The following B9D1 variants were observed in gnomAD, a reference collection of about 807,000 sequenced individuals.
B9D1 encodes B9 domain containing 1, also known as B9 domain-containing protein 1.
A neutral mutation model predicts 26.1 loss-of-function variants in B9D1; 20 were observed. That is an observed-to-expected ratio of 0.77 (90% CI 0.54 to 1.12). The LOEUF (loss-of-function observed/expected upper bound fraction) is 1.12, where lower values mean the gene tolerates loss of function less well. B9D1 is among the 50% of genes most tolerant of loss of function. The pLI, the probability that B9D1 is intolerant of heterozygous loss-of-function variation, is 0.00. For synonymous variants in B9D1, 105 were observed against 103.1 expected (o/e 1.02, Z -0.11); for missense variants, 260 against 273.7 (o/e 0.95, Z 0.35).
chr17:19,362,841 A>T, upstream of B9D1: 1 of 865,734 alleles, frequency 1.2e-6, no homozygotes, highest in Non-Finnish European at 1.7e-6. Context: ...GGGAGCGTTG[A>T]CCTGTCGGGT....
downstream of B9D1, among the ~76,000 whole-genome samples, chr17:19,337,186 G>T (rs1005745608): frequency 6.6e-6 from 1 of 152,228 alleles, no homozygotes; most frequent in African/African-American, 2.4e-5. Flanking sequence ...CCAGCCAACT[G>T]CGTGTTCCTG....
At chr17:19,342,839 G>C (rs8065263), downstream of B9D1, among the ~76,000 whole-genome samples, 146,218 of 152,300 alleles carry the variant, frequency 0.96, 70,591 homozygotes, top group African/African-American at 0.99. Flanking sequence ...ACAGGGTTCT[G>C]TCCTTGCCAA....
chr17:19,342,578 A>T (rs530044125), downstream of B9D1, among the ~76,000 whole-genome samples: 1 of 152,222 alleles, frequency 6.6e-6, no homozygotes, highest in South Asian at 2.1e-4. Context: ...AGGGCCTCCC[A>T]AAGTAATGCT....
intron 1 of B9D1, among the ~76,000 whole-genome samples, chr17:19,375,270 G>A (rs1232674790): frequency 6.6e-6 from 1 of 151,292 alleles, no homozygotes. Flanking sequence ...AGCCTGGGCT[G>A]GAGTGAAACC....
At chr17:19,337,738 C>T, downstream of B9D1, 1 of 1,535,094 alleles carries the variant, frequency 6.5e-7, no homozygotes, top group African/African-American at 1.4e-5. Flanking sequence ...GACAGACAGC[C>T]CTGAAGGTGG....
intron 3 of B9D1, among the ~76,000 whole-genome samples, chr17:19,356,530 T>A (rs1332654166): frequency 1.3e-5 from 2 of 152,202 alleles, no homozygotes; most frequent in Non-Finnish European, 2.9e-5. Context: ...CTCTCCCTTA[T>A]TCCTAGGGCA....
intron 1 of B9D1, among the ~76,000 whole-genome samples, chr17:19,368,183 G>A (rs1911697690): frequency 6.6e-6 from 1 of 152,228 alleles, no homozygotes; most frequent in Admixed American, 6.5e-5. Context: ...CTTGCAGTGT[G>A]AGCCCAGGCC....
At chr17:19,338,301 C>T (rs761679281), downstream of B9D1, among the ~76,000 whole-genome samples, 72 of 152,302 alleles carry the variant, frequency 4.7e-4, no homozygotes, top group Admixed American at 7.8e-4. Context: ...GGGAGCTGGC[C>T]TTTTTTGTAT....
intron 2 of B9D1, among the ~76,000 whole-genome samples, chr17:19,358,756 C>T (rs148346338): frequency 3.3e-5 from 5 of 152,314 alleles, no homozygotes; most frequent in Admixed American, 2.0e-4. Context: ...GTGATCTCAT[C>T]CATCTCATGG....
intron 1 of B9D1, among the ~76,000 whole-genome samples, chr17:19,361,507 G>T (rs931312985): frequency 1.3e-5 from 2 of 152,042 alleles, no homozygotes; most frequent in Admixed American, 6.6e-5. Flanking sequence ...GTGGCGGGGG[G>T]GTCGCTGATG....
chr17:19,364,864 T>C (rs779182013), upstream of B9D1, among the ~76,000 whole-genome samples: 7 of 152,246 alleles, frequency 4.6e-5, no homozygotes, highest in Non-Finnish European at 1.0e-4. This position sits in a 1 kb window ranked among gnomAD's most constrained non-coding sequence, Gnocchi z 4.3. Flanking sequence ...CTGTCAGCCA[T>C]TGGGCAGGGG....
chr17:19,372,875 C>G lies in B9D1; in HGVS notation c.-298+4984G>C, dbSNP rs1307189859. Among the ~76,000 whole-genome samples, 1 of 152,230 alleles carries G rather than the reference C, an allele frequency of 6.6e-6. No individual in the cohort carries two copies. The highest frequency in any genetic ancestry group is 2.4e-5 in the African/African-American group (1 of 41,460). On this transcript the variant is annotated intron_variant, in intron 1 of 5. Transcript: ENST00000477478. This position sits in a 1 kb window ranked among gnomAD's most constrained non-coding sequence, Gnocchi z 4.4. Reference sequence around the variant, plus strand: ...GCGCTCCTCAAAGTTTTTAACCACACCCACTCTTGCGGCAGAGGGGTGCGA... The same window carrying G: ...GCGCTCCTCAAAGTTTTTAACCACAGCCACTCTTGCGGCAGAGGGGTGCGA...
At chr17:19,362,771 G>GCGGGGATCCACGC (rs1383256069), upstream of B9D1, 3 of 1,466,166 alleles carry the variant, frequency 2.0e-6, no homozygotes, top group Non-Finnish European at 2.7e-6. Flanking sequence ...GGCACAAGGG[G>GCGGGGATCCACGC]CGGGGATCCA....
At chr17:19,369,656 G>A (rs1393085662) in intron 1 of B9D1, among the ~76,000 whole-genome samples, 1 of 152,086 alleles carries the variant, frequency 6.6e-6, no homozygotes, top group Non-Finnish European at 1.5e-5. Context: ...GGTCATCCAG[G>A]TAGGTTTGCC....
chr17:19,371,618 G>A (rs1216516989), intron 1 of B9D1: 1 of 152,330 alleles, frequency 6.6e-6, no homozygotes, highest in African/African-American at 2.4e-5. Flanking sequence ...CTGTTCCATT[G>A]GTGCCTGCAA....
downstream of B9D1, chr17:19,334,934 A>T (rs1907331223): frequency 6.5e-6 from 1 of 153,906 alleles, no homozygotes; most frequent in South Asian, 2.0e-4. This position sits in a 1 kb window ranked among gnomAD's most constrained non-coding sequence, Gnocchi z 4.9. Context: ...ATATTTTTAT[A>T]ACGTGGTTCT....
intron 1 of B9D1, among the ~76,000 whole-genome samples, chr17:19,361,025 G>A (rs995497114): frequency 1.6e-4 from 25 of 152,036 alleles, no homozygotes; most frequent in African/African-American, 5.3e-4. Flanking sequence ...GATCAGTGGC[G>A]GCATTAGATT....
downstream of B9D1, chr17:19,337,790 T>A: frequency 7.1e-7 from 1 of 1,409,662 alleles, no homozygotes; most frequent in Non-Finnish European, 9.6e-7. Context: ...ATAGATTTCT[T>A]ACAGCCAGGC....
At chr17:19,345,160 G>A (rs1035052157) in intron 5 of B9D1, among the ~76,000 whole-genome samples, 9 of 152,152 alleles carry the variant, frequency 5.9e-5, no homozygotes, top group African/African-American at 1.9e-4. Flanking sequence ...AGCATTCCAG[G>A]CAAGGACCTG....
Sources: allele counts gnomAD v4.1 joint callset (sites outside exome capture counted in the v4.1 genomes callset), GRCh38; gene constraint gnomAD v4.1.1; non-coding constraint Gnocchi (gnomAD v3.1); transcripts MANE v1.5; gene names NCBI Gene and HGNC (gene_info 2026-07-23, HGNC 2026-07-21).